Variants in PDE2A observed in about 807,000 individuals in gnomAD.
The protein encoded by PDE2A is cGMP-dependent 3',5'-cyclic phosphodiesterase.
In PDE2A, 53 loss-of-function variants were observed where a neutral mutation model predicts 133.6. The ratio of observed to expected loss-of-function variants is 0.40; its 90% CI spans 0.32 to 0.50. The LOEUF is 0.50. Among genes scored for constraint, PDE2A ranks in the 20% least tolerant of loss-of-function variants. The pLI, the probability that PDE2A is intolerant of heterozygous loss-of-function variation, is 0.73. For synonymous variants in PDE2A, 491 were observed against 490.2 expected (o/e 1.00, Z -0.02); for missense variants, 796 against 1,232.4 (o/e 0.65, Z 5.30).
At chr11:72,635,969 GC>G in intron 2 of PDE2A, 1 of 1,210,426 alleles carries the variant, frequency 8.3e-7, no homozygotes, top group Non-Finnish European at 1.1e-6. Flanking sequence ...CGAGATCTCA[GC>G]CCCTCTTACC....
chr11:72,636,781 C>A (rs1591112970), intron 2 of PDE2A, among the ~76,000 whole-genome samples: 1 of 152,188 alleles, frequency 6.6e-6, no homozygotes, highest in African/African-American at 2.4e-5. Flanking sequence ...CCCCCGCTTA[C>A]CTGGACCACA....
intron 2 of PDE2A, among the ~76,000 whole-genome samples, chr11:72,626,333 C>A (rs11235553): frequency 1.3e-5 from 2 of 152,222 alleles, no homozygotes; most frequent in South Asian, 4.1e-4. Flanking sequence ...CTGCACGCCC[C>A]GGGCCTGTGC....
At chr11:72,628,554 C>T (rs947804705) in intron 2 of PDE2A, among the ~76,000 whole-genome samples, 3 of 152,198 alleles carry the variant, frequency 2.0e-5, no homozygotes, top group African/African-American at 7.2e-5. Flanking sequence ...TGGTCTCGAT[C>T]TCCTGACCTT....
intron 2 of PDE2A, among the ~76,000 whole-genome samples, chr11:72,619,761 G>A (rs777403368): frequency 2.2e-4 from 33 of 152,092 alleles, no homozygotes; most frequent in Non-Finnish European, 4.4e-4. Flanking sequence ...CCTCCTCTGC[G>A]CACCCCTGTC....
intron 4 of PDE2A, among the ~76,000 whole-genome samples, chr11:72,604,063 A>T (rs1224904576): frequency 1.2e-4 from 18 of 152,174 alleles, no homozygotes; most frequent in Non-Finnish European, 1.5e-5. Flanking sequence ...AGCCCTCCTC[A>T]CAGGGGTAGA....
At chr11:72,585,161 T>C (rs1347309678) in intron 16 of PDE2A, 1 of 638,620 alleles carries the variant, frequency 1.6e-6, no homozygotes, top group Non-Finnish European at 2.7e-6. Context: ...GGCACTGTGA[T>C]AGGAGCTGAG....
intron 1 of PDE2A, among the ~76,000 whole-genome samples, chr11:72,645,258 G>A (rs1048340208): frequency 2.0e-5 from 3 of 152,140 alleles, no homozygotes; most frequent in African/African-American, 7.2e-5. Flanking sequence ...CACCTCTCTA[G>A]GCCTCTATTT....
In PDE2A at chr11:72,640,507, G is replaced by A. The variant is rs534528370; in HGVS notation, c.144+1747C>T. On this transcript the variant is annotated intron_variant, in intron 2 of 30. Coordinates refer to ENST00000334456, the MANE Select transcript of PDE2A (RefSeq NM_002599.5). ...GCAACCCTTTCCTGTCCAGAATCGCGGGAGCAGCCACCACACAGACACATG... is the reference window on the plus strand; with the variant it reads ...GCAACCCTTTCCTGTCCAGAATCGCAGGAGCAGCCACCACACAGACACATG... Among the ~76,000 whole-genome samples the A allele has an allele frequency of 3.3e-5, 5 of 151,996 alleles. No individual in the cohort carries two copies. In the East Asian group the frequency reaches 9.6e-4, roughly 29 times the overall value.
chr11:72,591,062 T>G (rs765220470), intron 7 of PDE2A: 8 of 518,834 alleles, frequency 1.5e-5, no homozygotes, highest in African/African-American at 3.8e-5. Context: ...TACAAGATAT[T>G]TGACCAGTTT....
At chr11:72,582,373 A>G in intron 21 of PDE2A, 71 bp downstream of exon 21, 1 of 1,448,262 alleles carries the variant, frequency 6.9e-7, no homozygotes, top group Non-Finnish European at 9.5e-7. Flanking sequence ...GAAGTTCTTG[A>G]TGCGCATTTA....
At chr11:72,664,363 G>GTTTTTTTT (rs1565198393) in intron 1 of PDE2A, among the ~76,000 whole-genome samples, 33 of 92,320 alleles carry the variant, frequency 3.6e-4, no homozygotes, top group Non-Finnish European at 4.9e-4. Flanking sequence ...CCCCTTGAAG[G>GTTTTTTTT]ATTTTTTTTT....
At chr11:72,618,633 A>C (rs1183632627) in intron 2 of PDE2A, among the ~76,000 whole-genome samples, 1 of 152,050 alleles carries the variant, frequency 6.6e-6, no homozygotes, top group Non-Finnish European at 1.5e-5. Context: ...TCTTTTCTGG[A>C]CCCCGGGCCT....
chr11:72,672,228 T>A (rs1344701922), intron 1 of PDE2A, among the ~76,000 whole-genome samples: 1 of 152,068 alleles, frequency 6.6e-6, no homozygotes, highest in Non-Finnish European at 1.5e-5. Flanking sequence ...CAGGCTAAAG[T>A]GCAGTAAGGC....
chr11:72,614,960 C>G (rs1475644782), intron 2 of PDE2A: 7 of 347,440 alleles, frequency 2.0e-5, no homozygotes, highest in Admixed American at 5.3e-5. Context: ...CTTTCCTCCT[C>G]CCTCTTTCTC....
intron 25 of PDE2A, 79 bp from the exon 26 acceptor site, chr11:72,579,687 G>A: frequency 2.1e-6 from 2 of 967,790 alleles, no homozygotes; most frequent in Non-Finnish European, 3.2e-6. Flanking sequence ...GGAAGCAGGG[G>A]CCTCGTCCAG....
At chr11:72,589,868 C>G (rs1250928194) in intron 10 of PDE2A, 39 bp downstream of exon 10, 1 of 1,608,588 alleles carries the variant, frequency 6.2e-7, no homozygotes, top group Admixed American at 1.7e-5. Context: ...GTTCCTCGCC[C>G]AGCCCCGCCC....
chr11:72,624,455 C>T lies in PDE2A; in HGVS notation c.145-15704G>A, dbSNP rs1015928609. ...AGGCCCAAGATCACACAGCATCACA[C>T]GCCCACTTCCACACACTTGCTATCA... On this transcript the variant is annotated intron_variant, in intron 2 of 30. Transcript: ENST00000334456. Among the ~76,000 whole-genome samples, 4 of 152,208 alleles carry T rather than the reference C, an allele frequency of 2.6e-5. No homozygotes were observed. The East Asian group carries it at 5.8e-4, about 22-fold the overall frequency.
At position 72,674,217 on chromosome 11, in the gene PDE2A, T is replaced by C; in HGVS notation, c.-10A>G. The C allele has an allele frequency of 6.2e-7, 1 of 1,606,936 alleles. No individual in the cohort carries two copies. Among genetic ancestry groups the C allele is most frequent in the Non-Finnish European group, 8.5e-7 (1 of 1,178,858 alleles). ...CGCATGCCTGCCCCATCACTCCTCATCGTCCGCCTCCCCAGCCAGACTAAG... is the reference window on the plus strand; with the variant it reads ...CGCATGCCTGCCCCATCACTCCTCACCGTCCGCCTCCCCAGCCAGACTAAG... On this transcript the variant is annotated 5_prime_UTR_variant, in exon 1 of 31. An upstream start codon of the reference 5' UTR is lost. Transcript: ENST00000334456.
At chr11:72,622,934 C>T (rs2135399554) in intron 2 of PDE2A, among the ~76,000 whole-genome samples, 1 of 152,228 alleles carries the variant, frequency 6.6e-6, no homozygotes, top group Non-Finnish European at 1.5e-5. Context: ...AGAAATGAGG[C>T]CAAATCCCAG....
Sources: gnomAD v4.1 joint callset for allele counts (sites outside exome capture counted in the v4.1 genomes callset) on GRCh38, gnomAD v4.1.1 for gene constraint, MANE v1.5 for transcripts, NCBI Gene and HGNC (gene_info 2026-07-23, HGNC 2026-07-21) for gene names.